The following CNTNAP5 variants were observed in gnomAD, a reference collection of about 807,000 sequenced individuals.
CNTNAP5 encodes contactin-associated protein-like 5.
A neutral mutation model predicts 150.2 loss-of-function variants in CNTNAP5; 72 were observed. The ratio of observed to expected loss-of-function variants is 0.48; its 90% CI spans 0.40 to 0.58. The LOEUF (loss-of-function observed/expected upper bound fraction) is 0.58. Ranked by LOEUF, CNTNAP5 falls within the 20% of genes least tolerant of loss-of-function variation. The pLI is 0.00. For synonymous variants in CNTNAP5, 672 were observed against 619.8 expected (o/e 1.08, Z -1.25); for missense variants, 1,636 against 1,626.2 (o/e 1.01, Z -0.10).
chr2:124,034,508 C>A (rs1652543503), intron 1 of CNTNAP5, among the ~76,000 whole-genome samples: 1 of 152,162 alleles, frequency 6.6e-6, no homozygotes, highest in Non-Finnish European at 1.5e-5. Flanking sequence ...AGAGAAATAT[C>A]ACCGTTCTGG....
At chr2:124,367,776 C>T (rs1690415716) in intron 3 of CNTNAP5, among the ~76,000 whole-genome samples, 1 of 152,192 alleles carries the variant, frequency 6.6e-6, no homozygotes, top group Non-Finnish European at 1.5e-5. Context: ...ATTCACAAAA[C>T]CTTCTAAAAT....
At chr2:124,611,427 C>T (rs1443435856) in intron 12 of CNTNAP5, among the ~76,000 whole-genome samples, 1 of 152,192 alleles carries the variant, frequency 6.6e-6, no homozygotes, top group East Asian at 1.9e-4. Flanking sequence ...TCCGTAATAA[C>T]TTTCTTTATC....
intron 13 of CNTNAP5, among the ~76,000 whole-genome samples, chr2:124,701,560 T>A (rs1200688130): frequency 1.3e-5 from 2 of 152,146 alleles, no homozygotes; most frequent in Non-Finnish European, 2.9e-5. Flanking sequence ...GATCACTAGG[T>A]TGTATGGTAG....
intron 11 of CNTNAP5, among the ~76,000 whole-genome samples, chr2:124,584,964 C>T (rs767951560): frequency 2.0e-5 from 3 of 152,184 alleles, no homozygotes; most frequent in East Asian, 1.9e-4. Flanking sequence ...GGAAAGCTCT[C>T]ACATTGTATG....
chr2:124,229,826 A>G (rs529660449), intron 2 of CNTNAP5, among the ~76,000 whole-genome samples: 2 of 152,130 alleles, frequency 1.3e-5, no homozygotes, highest in African/African-American at 2.4e-5. Flanking sequence ...ACTTTAGATG[A>G]TTAAAAGGAA....
At chr2:124,707,091 A>AG (rs1679687963) in intron 13 of CNTNAP5, among the ~76,000 whole-genome samples, 4 of 136,296 alleles carry the variant, frequency 2.9e-5, no homozygotes, top group Admixed American at 1.4e-4. Flanking sequence ...AAGAGGAAGA[A>AG]GAAGAAGAGG....
At chr2:124,829,600 A>T (rs564131175) in intron 19 of CNTNAP5, among the ~76,000 whole-genome samples, 59 of 134,052 alleles carry the variant, frequency 4.4e-4, no homozygotes, top group East Asian at 2.3e-3. Flanking sequence ...ATTAGAAATT[A>T]AAAAAAAAAA....
intron 3 of CNTNAP5, among the ~76,000 whole-genome samples, chr2:124,364,446 C>A (rs181840335): frequency 5.3e-5 from 8 of 152,218 alleles, no homozygotes; most frequent in African/African-American, 1.7e-4. Flanking sequence ...TCCACATCAC[C>A]CAAACCCTTC....
chr2:124,592,377 G>A (rs183198798), intron 11 of CNTNAP5, among the ~76,000 whole-genome samples: 4 of 139,332 alleles, frequency 2.9e-5, no homozygotes, highest in African/African-American at 8.4e-5. Context: ...ATATATATAT[G>A]TGTGTGTGTG....
At chr2:124,733,671 T>A (rs986656783) in intron 13 of CNTNAP5, among the ~76,000 whole-genome samples, 3 of 152,124 alleles carry the variant, frequency 2.0e-5, no homozygotes, top group Non-Finnish European at 4.4e-5. Flanking sequence ...AGATTGCTAG[T>A]TTTTTGTTTC....
At chr2:124,598,923 C>A (rs1394100521) in intron 11 of CNTNAP5, among the ~76,000 whole-genome samples, 1 of 152,052 alleles carries the variant, frequency 6.6e-6, no homozygotes, top group Non-Finnish European at 1.5e-5. Flanking sequence ...GCGTCCGTCA[C>A]CCCTTTCTTT....
At chr2:124,294,312 A>C (rs1055148400) in intron 3 of CNTNAP5, among the ~76,000 whole-genome samples, 1 of 152,234 alleles carries the variant, frequency 6.6e-6, no homozygotes, top group Non-Finnish European at 1.5e-5. Flanking sequence ...AAAATAAGGT[A>C]ATATTTTAAG....
intron 13 of CNTNAP5, among the ~76,000 whole-genome samples, chr2:124,680,138 A>G (rs2105067655): frequency 6.6e-6 from 1 of 151,902 alleles, no homozygotes; most frequent in African/African-American, 2.4e-5. Context: ...TCTTTGTCAG[A>G]TTTTAATTTG....
At chr2:124,374,828 C>T (rs949348389) in intron 3 of CNTNAP5, among the ~76,000 whole-genome samples, 1 of 151,962 alleles carries the variant, frequency 6.6e-6, no homozygotes, top group Non-Finnish European at 1.5e-5. Context: ...GGGCCTGGAA[C>T]GTCCTATGAC....
intron 3 of CNTNAP5, among the ~76,000 whole-genome samples, chr2:124,251,073 C>T (rs1687161214): frequency 1.3e-5 from 2 of 152,082 alleles, no homozygotes; most frequent in African/African-American, 4.8e-5. Flanking sequence ...TGACCAATTG[C>T]AATTGTCCAT....
At chr2:124,160,221 C>T (rs1301169367) in intron 1 of CNTNAP5, among the ~76,000 whole-genome samples, 1 of 152,054 alleles carries the variant, frequency 6.6e-6, no homozygotes, top group Admixed American at 6.6e-5. Flanking sequence ...GATGTCAAGT[C>T]TGAAGGTAGG....
chr2:124,400,679 T>TTTG (rs1558884162), intron 3 of CNTNAP5, among the ~76,000 whole-genome samples: 3 of 101,344 alleles, frequency 3.0e-5, no homozygotes, highest in African/African-American at 5.6e-5. Flanking sequence ...GTTTTTTTTT[T>TTTG]TTTTTTTTTG....
At chr2:124,312,787 G>A (rs1256776165) in intron 3 of CNTNAP5, among the ~76,000 whole-genome samples, 1 of 152,162 alleles carries the variant, frequency 6.6e-6, no homozygotes, top group Non-Finnish European at 1.5e-5. Flanking sequence ...AGCCAGGATG[G>A]TCTCCATCTC....
intron 13 of CNTNAP5, among the ~76,000 whole-genome samples, chr2:124,675,744 G>A (rs140195830): frequency 1.3e-5 from 2 of 152,182 alleles, no homozygotes; most frequent in South Asian, 2.1e-4. Context: ...TGTCTTATTT[G>A]TCGAGATATT....
Sources: gnomAD v4.1 joint callset for allele counts (sites outside exome capture counted in the v4.1 genomes callset) on GRCh38, gnomAD v4.1.1 for gene constraint, MANE v1.5 for transcripts, NCBI Gene and HGNC (gene_info 2026-07-23, HGNC 2026-07-21) for gene names.